The following FAM193A variants were observed in gnomAD, a reference collection of about 807,000 sequenced individuals.
FAM193A encodes family with sequence similarity 193 member A.
Under a neutral mutation model 126.5 loss-of-function variants are expected in FAM193A, and 22 were observed. The ratio of observed to expected loss-of-function variants is 0.17; its 90% confidence interval spans 0.12 to 0.25. FAM193A has a LOEUF of 0.25. Ranked by LOEUF, FAM193A falls within the 10% of genes least tolerant of loss-of-function variation. FAM193A has a pLI of 1.00. For missense variants in FAM193A, 1,675 were observed against 1,672.8 expected, an observed-to-expected ratio of 1.00 and a Z score of -0.02; for synonymous variants, 761 against 646.8, an observed-to-expected ratio of 1.18 and a Z score of -2.68.
intron 7 of FAM193A, among the ~76,000 whole-genome samples, chr4:2,647,660 C>T (rs972762084): frequency 1.3e-5 from 2 of 152,188 alleles, no homozygotes; most frequent in African/African-American, 4.8e-5. Flanking sequence ...CAGAGCAGGG[C>T]TTTGAGACGG....
chr4:2,579,657 C>T (rs141367490), intron 1 of FAM193A, among the ~76,000 whole-genome samples: 8 of 152,176 alleles, frequency 5.3e-5, no homozygotes, highest in Non-Finnish European at 1.2e-4. Context: ...AGTGATCATG[C>T]CACTGTACTC....
intron 2 of FAM193A, among the ~76,000 whole-genome samples, chr4:2,607,692 G>T (rs535628508): frequency 6.6e-6 from 1 of 152,296 alleles, no homozygotes; most frequent in South Asian, 2.1e-4. Flanking sequence ...ATATGTTCAG[G>T]TTGGCAACTA....
At chr4:2,687,276 T>A (rs1715850730) in intron 13 of FAM193A, among the ~76,000 whole-genome samples, 1 of 152,216 alleles carries the variant, frequency 6.6e-6, no homozygotes, top group Non-Finnish European at 1.5e-5. Flanking sequence ...TATAGTAGTC[T>A]CTAAGACTAT....
chr4:2,677,029 C>G (rs2109188999), intron 13 of FAM193A, among the ~76,000 whole-genome samples: 1 of 152,204 alleles, frequency 6.6e-6, no homozygotes, highest in South Asian at 2.1e-4. Flanking sequence ...ATTGCCAGAT[C>G]CAGTGTTGTG....
intron 1 of FAM193A, among the ~76,000 whole-genome samples, chr4:2,576,899 A>G (rs1340585502): frequency 1.3e-5 from 2 of 152,232 alleles, no homozygotes; most frequent in Non-Finnish European, 2.9e-5. Context: ...TGTAGCAGAT[A>G]CAGAGGCAGC....
At chr4:2,564,998 T>C (rs948527188) in intron 1 of FAM193A, among the ~76,000 whole-genome samples, 7 of 152,030 alleles carry the variant, frequency 4.6e-5, no homozygotes, top group African/African-American at 1.7e-4. Context: ...GGGGTCTTGC[T>C]GTGTTACCCA....
At chr4:2,639,699 A>G (rs765969364) in intron 5 of FAM193A, 36 bp from the exon 6 acceptor site, 89 of 1,585,952 alleles carry the variant, frequency 5.6e-5, no homozygotes, top group Middle Eastern at 1.7e-4. Context: ...GCAATTCACT[A>G]CATCTTCTGT....
intron 1 of FAM193A, among the ~76,000 whole-genome samples, chr4:2,555,644 G>T (rs1738202309): frequency 6.6e-6 from 1 of 152,120 alleles, no homozygotes; most frequent in Non-Finnish European, 1.5e-5. Context: ...TTGAGACAGA[G>T]TCTCGCTCTG....
intron 2 of FAM193A, among the ~76,000 whole-genome samples, chr4:2,616,542 C>T (rs7673328): frequency 2.8e-4 from 42 of 151,856 alleles, no homozygotes; most frequent in African/African-American, 9.9e-4. Flanking sequence ...TTATTTGTTA[C>T]TCTTCTTTTA....
At chr4:2,585,884 G>C (rs1043941092) in intron 1 of FAM193A, among the ~76,000 whole-genome samples, 1 of 152,124 alleles carries the variant, frequency 6.6e-6, no homozygotes. Flanking sequence ...AGCCAAGATT[G>C]TGCTACTGCA....
In FAM193A at chr4:2,716,987, T is replaced by C. The variant is rs57282339; in HGVS notation, c.4454+883T>C. Among the ~76,000 whole-genome samples, 254 of 147,842 alleles carry C rather than the reference T, an allele frequency of 1.7e-3. 1 individual carries two copies. The highest frequency in any genetic ancestry group is 6.1e-3 in the African/African-American group (243 of 39,650). ...CACCGCGCCCAGCCTATTTATTTCATTTTTTTTATTTTTTGAGACAGAGTC... is the reference window on the plus strand; with the variant it reads ...CACCGCGCCCAGCCTATTTATTTCACTTTTTTTATTTTTTGAGACAGAGTC... On this transcript the variant is annotated intron_variant, in intron 20 of 20. Transcript: ENST00000637812.
chr4:2,646,166 T>C (rs1745118930), intron 6 of FAM193A, among the ~76,000 whole-genome samples: 1 of 110,100 alleles, frequency 9.1e-6, no homozygotes, highest in Non-Finnish European at 1.8e-5. Context: ...CTCCTTTTTT[T>C]TTTTTTTTTT....
intron 1 of FAM193A, among the ~76,000 whole-genome samples, chr4:2,595,561 T>C (rs1740807873): frequency 6.6e-6 from 1 of 152,206 alleles, no homozygotes; most frequent in African/African-American, 2.4e-5. Context: ...CTCAGCATCA[T>C]TACTGCTGGG....
At chr4:2,618,731 G>T (rs1186528971) in intron 2 of FAM193A, among the ~76,000 whole-genome samples, 3 of 151,946 alleles carry the variant, frequency 2.0e-5, no homozygotes, top group African/African-American at 7.3e-5. Flanking sequence ...GAGTAGCTGG[G>T]ATTACAGGCG....
intron 2 of FAM193A, among the ~76,000 whole-genome samples, chr4:2,605,693 C>G: frequency 6.6e-6 from 1 of 152,152 alleles, no homozygotes; most frequent in Non-Finnish European, 1.5e-5. Flanking sequence ...TAAGTAGGGC[C>G]GGACACGGTG....
intron 6 of FAM193A, among the ~76,000 whole-genome samples, chr4:2,646,309 A>ATGACACC (rs1447279150): frequency 6.6e-6 from 1 of 151,766 alleles, no homozygotes; most frequent in African/African-American, 2.4e-5. Flanking sequence ...AGCTGGGGCT[A>ATGACACC]TGAGTGCCTG....
Position 2,631,140 on chromosome 4 carries a change from C to G in FAM193A, c.1009C>G (p.Arg337Gly). The G allele has an allele frequency of 6.2e-7, 1 of 1,612,712 alleles. No homozygotes were observed. Among genetic ancestry groups the G allele is most frequent in the South Asian group, 1.1e-5 (1 of 90,798 alleles). The change falls in exon 5 of 21, where the codon CGC becomes GGC. Residue 337 changes from arginine to glycine, a missense_variant. Around this residue, in one of 4 missense-constraint regions of FAM193A, gnomAD observed 1,186 missense variants for 1,109.2 expected, o/e 1.07. Coordinates refer to ENST00000637812, the MANE Select transcript of FAM193A (RefSeq NM_001366318.2). The part of the protein sequence containing the change: ...EEYGALCQAA[R>G]SISTFLGTLE... ...GTACGGCGCCCTCTGCCAGGCCGCA[C>G]GCTCCATCAGCACCTTCCTTGGCAC...
intron 1 of FAM193A, among the ~76,000 whole-genome samples, chr4:2,593,823 C>A (rs1740700456): frequency 6.6e-6 from 1 of 151,176 alleles, no homozygotes; most frequent in South Asian, 2.1e-4. Flanking sequence ...TTTTCTAAGA[C>A]CTGAGGAAAA....
chr4:2,546,909 A>C (rs1277338014), intron 1 of FAM193A, among the ~76,000 whole-genome samples: 1 of 152,126 alleles, frequency 6.6e-6, no homozygotes, highest in African/African-American at 2.4e-5. Context: ...CATCCTTGCT[A>C]GCACTTGAGA....
Sources: allele counts gnomAD v4.1 joint callset (sites outside exome capture counted in the v4.1 genomes callset), GRCh38; gene constraint gnomAD v4.1.1; regional missense constraint gnomAD v4.1.1; transcripts MANE v1.5; gene names NCBI Gene and HGNC (gene_info 2026-07-23, HGNC 2026-07-21).